Variants in AMZ2 observed in about 807,000 individuals in gnomAD.
AMZ2 encodes the protein archaelysin family metallopeptidase 2.
In AMZ2, 26 loss-of-function variants were observed where a neutral mutation model predicts 36.7. The ratio of observed to expected loss-of-function variants is 0.71; its 90% CI spans 0.52 to 0.98. The LOEUF is 0.98. Among genes scored for constraint, AMZ2 ranks in the 50% least tolerant of loss-of-function variants. AMZ2 has a pLI of 0.00. For missense variants in AMZ2, 394 were observed against 430.5 expected (o/e 0.92, Z 0.75); for synonymous variants, 144 against 149.1 (o/e 0.97, Z 0.25).
intron 1 of AMZ2, among the ~76,000 whole-genome samples, chr17:68,223,608 C>G (rs111339325): frequency 0.023 from 3,462 of 151,792 alleles, 111 homozygotes; most frequent in African/African-American, 0.079. Context: ...GGCACGATCT[C>G]AGCTCAATGC....
intron 1 of AMZ2, among the ~76,000 whole-genome samples, chr17:68,209,928 T>G (rs1304279157): frequency 1.3e-5 from 2 of 151,960 alleles, no homozygotes; most frequent in Non-Finnish European, 2.9e-5. Context: ...CCCCAGTATA[T>G]TCTTTTGATT....
In AMZ2 at chr17:68,250,820, A is replaced by G. The variant is rs61748823; in HGVS notation, c.310A>G (p.Ser104Gly). 28 of 1,582,392 alleles carry G rather than the reference A, an allele frequency of 1.8e-5. No homozygotes were observed. The African/African-American group carries it at 3.7e-4, about 21-fold the overall frequency. ...IGSLGNTRII[S>G]EEYIKWLTGY... ...CTCTCTAGGAAACACCAGAATTATC[A>G]GTGAAGAATATATTAAATGGCTCAC... Residue 104 changes from serine (S) to glycine (G), a missense_variant, in exon 3 of 7, where the codon AGT (serine) becomes GGT (glycine). Physicochemically the swap from Ser to Gly is moderately conservative, Grantham distance 56. Transcript: ENST00000359904.
intron 1 of AMZ2, among the ~76,000 whole-genome samples, chr17:68,217,791 G>T (rs1166650720): frequency 1.3e-5 from 2 of 150,710 alleles, no homozygotes; most frequent in Non-Finnish European, 2.9e-5. Context: ...ATAGGTTAGT[G>T]AAGCATATAA....
At chr17:68,224,380 AG>A (rs1404876543) in intron 1 of AMZ2, among the ~76,000 whole-genome samples, 1 of 152,248 alleles carries the variant, frequency 6.6e-6, no homozygotes, top group African/African-American at 2.4e-5. Flanking sequence ...ATTCAAATCC[AG>A]GCTTCTGTGT....
intron 1 of AMZ2, chr17:68,249,966 T>G: frequency 1.8e-6 from 1 of 546,628 alleles, no homozygotes; most frequent in Non-Finnish European, 3.2e-6. Context: ...TGGGAGCAGG[T>G]TCCATATGAG....
intron 1 of AMZ2, among the ~76,000 whole-genome samples, chr17:68,229,199 G>A (rs1464289005): frequency 6.6e-6 from 1 of 152,342 alleles, no homozygotes; most frequent in Middle Eastern, 3.4e-3. Context: ...GCTTTGTGCA[G>A]TAGAGGTAGC....
At chr17:68,208,634 T>G (rs1443092149) in intron 1 of AMZ2, among the ~76,000 whole-genome samples, 1 of 152,170 alleles carries the variant, frequency 6.6e-6, no homozygotes, top group East Asian at 1.9e-4. Flanking sequence ...CATTCCACAT[T>G]GTGGAAGCTT....
intron 1 of AMZ2, among the ~76,000 whole-genome samples, chr17:68,223,920 C>T (rs1412589432): frequency 7.1e-5 from 10 of 141,720 alleles, no homozygotes; most frequent in African/African-American, 5.2e-5. Flanking sequence ...AACGGAGTCT[C>T]GCTCTGTCGC....
At chr17:68,216,241 C>T (rs1270644506) in intron 1 of AMZ2, among the ~76,000 whole-genome samples, 1 of 152,200 alleles carries the variant, frequency 6.6e-6, no homozygotes, top group Non-Finnish European at 1.5e-5. Context: ...TCAGGCTGTC[C>T]TCTCACCTCA....
intron 4 of AMZ2, among the ~76,000 whole-genome samples, chr17:68,253,354 C>A (rs61103052): frequency 6.6e-6 from 1 of 151,898 alleles, no homozygotes; most frequent in African/African-American, 2.4e-5. Context: ...AAAAACTGAA[C>A]GAGAGACATA....
chr17:68,237,521 G>T (rs1284175241), intron 1 of AMZ2, among the ~76,000 whole-genome samples: 1 of 152,186 alleles, frequency 6.6e-6, no homozygotes, highest in Admixed American at 6.5e-5. Context: ...TACAGGGGAG[G>T]GACCTGCTAG....
At chr17:68,243,057 A>AAT (rs1279092581), upstream of AMZ2, among the ~76,000 whole-genome samples, 3 of 151,904 alleles carry the variant, frequency 2.0e-5, no homozygotes, top group African/African-American at 7.3e-5. Context: ...AAAAAAAAAA[A>AAT]AAAAATTACA....
At chr17:68,219,194 T>C (rs2073280867) in intron 1 of AMZ2, among the ~76,000 whole-genome samples, 1 of 152,208 alleles carries the variant, frequency 6.6e-6, no homozygotes, top group South Asian at 2.1e-4. Flanking sequence ...CTTGAACGCC[T>C]GACCTTGTAA....
chr17:68,223,503 T>A (rs1490630533), intron 1 of AMZ2, among the ~76,000 whole-genome samples: 1 of 152,198 alleles, frequency 6.6e-6, no homozygotes, highest in Admixed American at 6.5e-5. Context: ...TACATTTTTT[T>A]CACTCAAGCC....
intron 1 of AMZ2, among the ~76,000 whole-genome samples, chr17:68,226,894 TGCCACTTCC>T (rs2073529543): frequency 6.9e-6 from 1 of 145,298 alleles, no homozygotes; most frequent in Non-Finnish European, 1.5e-5. Flanking sequence ...TGGAGCAAGC[TGCCACTTCC>T]TAGGGTCCCA....
At chr17:68,255,633 A>G in intron 5 of AMZ2, 67 bp from the exon 6 acceptor site, 1 of 1,509,998 alleles carries the variant, frequency 6.6e-7, no homozygotes, top group Non-Finnish European at 9.0e-7. Context: ...GAAAAGCAAG[A>G]AAAAGAAGAG....
chr17:68,245,214 A>AC (rs1491041054), upstream of AMZ2, among the ~76,000 whole-genome samples: 10 of 146,366 alleles, frequency 6.8e-5, no homozygotes, highest in Middle Eastern at 3.4e-3. Context: ...AAAAAAAAAA[A>AC]ACCTAACCCC....
chr17:68,226,718 G>T (rs1320548694), intron 1 of AMZ2, among the ~76,000 whole-genome samples: 3 of 152,076 alleles, frequency 2.0e-5, no homozygotes, highest in Admixed American at 6.5e-5. Flanking sequence ...CTGGACAGTG[G>T]TCTTGGGACT....
intron 1 of AMZ2, among the ~76,000 whole-genome samples, chr17:68,231,671 A>G (rs1466285945): frequency 2.0e-5 from 3 of 149,806 alleles, no homozygotes; most frequent in African/African-American, 5.0e-5. Flanking sequence ...TTTGTGTGGT[A>G]TGTGTCTTTT....
Sources: gnomAD v4.1 joint callset for allele counts (sites outside exome capture counted in the v4.1 genomes callset) on GRCh38, gnomAD v4.1.1 for gene constraint, MANE v1.5 for transcripts, NCBI Gene and HGNC (gene_info 2026-07-23, HGNC 2026-07-21) for gene names.